The following ASXL3 variants were observed in gnomAD, a reference collection of about 807,000 sequenced individuals.
ASXL3 encodes the protein ASXL transcriptional regulator 3, also known as putative Polycomb group protein ASXL3.
ASXL3 carries 34 observed loss-of-function variants against 170.6 expected under a neutral mutation model. That is an observed-to-expected ratio of 0.20 (90% CI 0.15 to 0.27). ASXL3 has a LOEUF of 0.27. Among genes scored for constraint, ASXL3 ranks in the 10% least tolerant of loss-of-function variants. The pLI is 1.00. For missense variants in ASXL3, 2,592 were observed against 2,695.3 expected (o/e 0.96, Z 0.85); for synonymous variants, 1,002 against 989.1 (o/e 1.01, Z -0.24).
chr18:33,624,758 T>C (rs1001843247), intron 2 of ASXL3, among the ~76,000 whole-genome samples: 2 of 152,150 alleles, frequency 1.3e-5, no homozygotes, highest in African/African-American at 4.8e-5. Flanking sequence ...CAAAACCAAT[T>C]TGCTGTCTCT....
At position 33,607,688 on chromosome 18, in the gene ASXL3, T is replaced by C; in HGVS notation, c.137+12T>C. 3.9e-6 allele frequency: 6 copies of C among 1,546,416 alleles called. No homozygotes were observed. The highest frequency in any genetic ancestry group is 5.3e-6 in the Non-Finnish European group (6 of 1,139,596). On this transcript the variant is annotated intron_variant, in intron 2 of 11. Coordinates refer to ENST00000269197, the MANE Select transcript of ASXL3 (RefSeq NM_030632.3). Reference sequence around the variant, plus strand: ...TTAAAAGAAACAAGGTCAGTATCCATATTTAAAACATTTTCTGTTTTCATT... The same window carrying C: ...TTAAAAGAAACAAGGTCAGTATCCACATTTAAAACATTTTCTGTTTTCATT...
At chr18:33,613,380 T>A (rs917166529) in intron 2 of ASXL3, among the ~76,000 whole-genome samples, 2 of 152,060 alleles carry the variant, frequency 1.3e-5, no homozygotes, top group Non-Finnish European at 2.9e-5. Context: ...ACAAATCTAT[T>A]TTTTTCCTCA....
At chr18:33,741,521 T>C (rs1339134832) in intron 11 of ASXL3, among the ~76,000 whole-genome samples, 1 of 152,234 alleles carries the variant, frequency 6.6e-6, no homozygotes, top group Non-Finnish European at 1.5e-5. Flanking sequence ...ATTTAAAATA[T>C]GTTTAATTTT....
chr18:33,691,035 C>T lies in ASXL3; in HGVS notation c.879+7467C>T, dbSNP rs375001056. 5.3e-5 allele frequency among the ~76,000 whole-genome samples: 8 copies of T among 152,302 alleles called. No individual in the cohort carries two copies. In the East Asian group the frequency reaches 5.8e-4, roughly 11 times the overall value. ...CTGTACCCCTCTCCCCTTCTCTACACGCTTACAATGCTTTAAGCCTCATAC... is the reference window on the plus strand; with the variant it reads ...CTGTACCCCTCTCCCCTTCTCTACATGCTTACAATGCTTTAAGCCTCATAC... On this transcript the variant is annotated intron_variant, in intron 8 of 11. Transcript: ENST00000269197.
At chr18:33,603,571 A>T (rs62090654) in intron 1 of ASXL3, among the ~76,000 whole-genome samples, 13,658 of 151,938 alleles carry the variant, frequency 0.09, 698 homozygotes, top group African/African-American at 0.12. Flanking sequence ...ATGTAATGGT[A>T]TGTTTGCTAG....
At chr18:33,727,446 A>G (rs577977419) in intron 8 of ASXL3, among the ~76,000 whole-genome samples, 211 of 152,264 alleles carry the variant, frequency 1.4e-3, no homozygotes, top group African/African-American at 4.6e-3. Context: ...CTTAAAATGT[A>G]TGTTAATAGG....
Position 33,601,785 on chromosome 18 carries a change from G to GTTTATATATATATATATATATA in ASXL3, c.55-5808_55-5807insTTATATATATATATATATATAT, listed in dbSNP as rs376654969. Among the ~76,000 whole-genome samples, 532 of 103,940 alleles carry GTTTATATATATATATATATATA rather than the reference G, an allele frequency of 5.1e-3. 37 individuals carry two copies. The highest frequency in any genetic ancestry group is 0.041 in the East Asian group (187 of 4,612). 68.2% of individuals were successfully genotyped at this position (103,940 alleles called of 152,430 possible). A position where few individuals can be genotyped will look rare whatever the true frequency, so the allele number is the denominator to read the frequency against. Reference sequence around the variant, plus strand: ...TGAGAATTTAAGTAAATATCTGATTGTATATATATAGTTTGTTTGTTTTGA... The same window carrying GTTTATATATATATATATATATA: ...TGAGAATTTAAGTAAATATCTGATTGTTTATATATATATATATATATATATATATATAGTTTGTTTGTTTTGA... On this transcript the variant is annotated intron_variant, in intron 1 of 11. Coordinates refer to ENST00000269197, the MANE Select transcript of ASXL3 (RefSeq NM_030632.3).
Position 33,744,926 on chromosome 18 carries a change from C to T in ASXL3, c.5078C>T (p.Pro1693Leu), listed in dbSNP as rs1272616032. The T allele has an allele frequency of 4.3e-6, 7 of 1,613,888 alleles. No homozygotes were observed. Among genetic ancestry groups the T allele is most frequent in the Non-Finnish European group, 5.9e-6 (7 of 1,179,906 alleles). ...TEDFPGPELP[P>L]PAAEGASSVQ... ...GACTTCCCTGGCCCTGAGCTGCCTCCTCCGGCTGCAGAGGGAGCCTCTAGT... is the reference window on the plus strand; with the variant it reads ...GACTTCCCTGGCCCTGAGCTGCCTCTTCCGGCTGCAGAGGGAGCCTCTAGT... The change falls in exon 12 of 12, where the codon CCT becomes CTT. Residue 1693 changes from proline (P) to leucine (L), a missense_variant. Pro to Leu is a moderately conservative substitution (Grantham distance 98). Around this residue, in one of 4 missense-constraint regions of ASXL3, gnomAD observed 2,246 missense variants for 2,219.6 expected, o/e 1.01. Coordinates refer to ENST00000269197, the MANE Select transcript of ASXL3 (RefSeq NM_030632.3).
chr18:33,727,198 A>T (rs1328053833), intron 8 of ASXL3, among the ~76,000 whole-genome samples: 4 of 152,134 alleles, frequency 2.6e-5, no homozygotes, highest in Non-Finnish European at 1.5e-5. Flanking sequence ...GTTATTATTT[A>T]GCCACTTTCT....
At chr18:33,629,574 A>G (rs2065648152) in intron 2 of ASXL3, among the ~76,000 whole-genome samples, 1 of 152,010 alleles carries the variant, frequency 6.6e-6, no homozygotes, top group Non-Finnish European at 1.5e-5. Context: ...TTTTTTCTTG[A>G]ACTACTACCT....
At chr18:33,606,486 G>A (rs1370148137) in intron 1 of ASXL3, among the ~76,000 whole-genome samples, 1 of 151,968 alleles carries the variant, frequency 6.6e-6, no homozygotes, top group Non-Finnish European at 1.5e-5. Flanking sequence ...GCCTTCACTT[G>A]TGAATCAGTT....
At position 33,676,209 on chromosome 18, in the gene ASXL3, C is replaced by T. The variant is rs534596593; in HGVS notation, c.715+4343C>T. Among the ~76,000 whole-genome samples, 13 of 47,378 alleles carry T rather than the reference C, an allele frequency of 2.7e-4. No homozygotes were observed. The East Asian group carries it at 6.4e-3, about 23-fold the overall frequency. 31.1% of individuals were successfully genotyped at this position (47,378 alleles called of 152,430 possible). A position where few individuals can be genotyped will look rare whatever the true frequency, so the allele number is the denominator to read the frequency against. On this transcript the variant is annotated intron_variant, in intron 7 of 11. Coordinates refer to ENST00000269197, the MANE Select transcript of ASXL3 (RefSeq NM_030632.3). ...ACTGCACTCCAGCCTGGGTGACGAG[C>T]GAGACTCCGTCTCAAAAAAAAAAAA...
In ASXL3 at chr18:33,706,866, A is replaced by G. The variant is rs111488107; in HGVS notation, c.879+23298A>G. Among the ~76,000 whole-genome samples the G allele has an allele frequency of 1.4e-3, 215 of 151,998 alleles. 2 individuals are homozygous for G. The highest frequency in any genetic ancestry group is 4.7e-3 in the African/African-American group (197 of 41,558). ...GCTTATTTGTCTTAATATATTGTCTATTCGCATCATGTAAAGAGATGTACT... is the reference window on the plus strand; with the variant it reads ...GCTTATTTGTCTTAATATATTGTCTGTTCGCATCATGTAAAGAGATGTACT... On this transcript the variant is annotated intron_variant, in intron 8 of 11. Coordinates refer to ENST00000269197, the MANE Select transcript of ASXL3 (RefSeq NM_030632.3).
At chr18:33,635,886 A>G (rs2065755415) in intron 2 of ASXL3, among the ~76,000 whole-genome samples, 1 of 152,212 alleles carries the variant, frequency 6.6e-6, no homozygotes, top group African/African-American at 2.4e-5. Context: ...TAGTGATTAA[A>G]TGTATTTCAA....
At chr18:33,630,422 A>G (rs565304559) in intron 2 of ASXL3, among the ~76,000 whole-genome samples, 11 of 151,724 alleles carry the variant, frequency 7.3e-5, no homozygotes, top group Non-Finnish European at 1.0e-4. Flanking sequence ...TTTAAAAAGT[A>G]TGTTTATATG....
chr18:33,694,398 C>T (rs2066738861), intron 8 of ASXL3, among the ~76,000 whole-genome samples: 1 of 152,094 alleles, frequency 6.6e-6, no homozygotes, highest in Admixed American at 6.6e-5. Flanking sequence ...TAAATGTCAA[C>T]TAAAGTGGAG....
At chr18:33,652,115 T>C (rs879718074) in intron 4 of ASXL3, among the ~76,000 whole-genome samples, 1 of 152,074 alleles carries the variant, frequency 6.6e-6, no homozygotes, top group African/African-American at 2.4e-5. Flanking sequence ...CCCATGACCA[T>C]TTATGCCTAT....
chr18:33,612,953 A>G (rs891426200), intron 2 of ASXL3, among the ~76,000 whole-genome samples: 5 of 152,082 alleles, frequency 3.3e-5, no homozygotes, highest in African/African-American at 1.2e-4. Flanking sequence ...CATCCCTGCC[A>G]TTTGTTAACA....
At chr18:33,687,825 C>T (rs2066621571) in intron 8 of ASXL3, among the ~76,000 whole-genome samples, 1 of 152,070 alleles carries the variant, frequency 6.6e-6, no homozygotes, top group South Asian at 2.1e-4. Flanking sequence ...AAAAGAAAGT[C>T]CAACTCAAAG....
Sources: allele counts gnomAD v4.1 joint callset (sites outside exome capture counted in the v4.1 genomes callset), GRCh38; gene constraint gnomAD v4.1.1; regional missense constraint gnomAD v4.1.1; transcripts MANE v1.5; gene names NCBI Gene and HGNC (gene_info 2026-07-23, HGNC 2026-07-21).